PRKAG1: variants seen among roughly 807,000 people sequenced by gnomAD.
PRKAG1 encodes protein kinase AMP-activated non-catalytic subunit gamma 1, also known as 5'-AMP-activated protein kinase subunit gamma-1.
A neutral mutation model predicts 48.2 loss-of-function variants in PRKAG1; 27 were observed. The ratio of observed to expected loss-of-function variants is 0.56; its 90% CI spans 0.41 to 0.77. The LOEUF (loss-of-function observed/expected upper bound fraction) is 0.77, where lower values mean the gene tolerates loss of function less well. PRKAG1 is among the 30% of genes least tolerant of loss of function. The pLI is 0.00. For missense variants in PRKAG1, 287 were observed against 398.3 expected (o/e 0.72, Z 2.38); for synonymous variants, 130 against 147.7 (o/e 0.88, Z 0.87).
chr12:49,015,740 G>A (rs1565741695), intron 1 of PRKAG1, among the ~76,000 whole-genome samples: 2 of 151,230 alleles, frequency 1.3e-5, no homozygotes, highest in African/African-American at 4.9e-5. Context: ...GCCCAGCTAA[G>A]TTTTTTTTTG....
At chr12:49,004,398 G>GT in intron 8 of PRKAG1, 109 bp downstream of exon 8, 1 of 1,429,786 alleles carries the variant, frequency 7.0e-7, no homozygotes, top group South Asian at 1.3e-5. Context: ...GAGCTCAGGA[G>GT]TTTGACACTA....
chr12:49,002,419 C>T lies in PRKAG1; in HGVS notation c.*480G>A, dbSNP rs201069675. 1.8e-5 allele frequency: 4 copies of T among 223,624 alleles called. No individual in the cohort carries two copies. The highest frequency in any genetic ancestry group is 3.6e-5 in the Non-Finnish European group (4 of 110,278). The allele number at this position is 223,624 out of a possible 1,614,324, so 13.9% of individuals were successfully genotyped here. On this transcript the variant is annotated 3_prime_UTR_variant, in exon 12 of 12. Transcript: ENST00000548065. The stretch of plus-strand genomic sequence containing the variant: ...CCCAAAGCCCCTCCTCCCCACAATC[C>T]TCCCCACTCACATTATGGGAAGAAA...
intron 2 of PRKAG1, among the ~76,000 whole-genome samples, chr12:49,010,300 G>A (rs1011472296): frequency 2.6e-5 from 4 of 152,194 alleles, no homozygotes; most frequent in Middle Eastern, 3.2e-3. Flanking sequence ...GAGCCTTGCT[G>A]ACAGTGAGTC....
chr12:49,002,572 G>A lies in PRKAG1; in HGVS notation c.*327C>T, dbSNP rs1184310071. The A allele has an allele frequency of 9.5e-6, 4 of 421,804 alleles. No individual in the cohort carries two copies. Among genetic ancestry groups the A allele is most frequent in the Non-Finnish European group, 1.8e-5 (4 of 224,278 alleles). 26.1% of individuals were successfully genotyped at this position (421,804 alleles called of 1,614,324 possible). On this transcript the variant is annotated 3_prime_UTR_variant, in exon 12 of 12. Transcript: ENST00000548065. ...GGCCAAGATGGAGGCAGAGGCAAGTGAGGTCTGGGGATCTCTTAGAGATCA... is the reference window on the plus strand; with the variant it reads ...GGCCAAGATGGAGGCAGAGGCAAGTAAGGTCTGGGGATCTCTTAGAGATCA...
At chr12:49,015,950 T>C (rs1259816811) in intron 1 of PRKAG1, among the ~76,000 whole-genome samples, 1 of 53,812 alleles carries the variant, frequency 1.9e-5, no homozygotes, top group Admixed American at 1.5e-4. Context: ...CTTTCTACCT[T>C]TTTTTTTTTT....
chr12:49,006,312 A>T (rs1941532967), intron 2 of PRKAG1, among the ~76,000 whole-genome samples: 1 of 152,022 alleles, frequency 6.6e-6, no homozygotes, highest in Non-Finnish European at 1.5e-5. Context: ...GTTGAGGCAG[A>T]GGATCACTTG....
At position 49,006,718 on chromosome 12, in the gene PRKAG1, C is replaced by A. The variant is rs1941550059; in HGVS notation, c.59-866G>T. Among the ~76,000 whole-genome samples the A allele has an allele frequency of 2.0e-5, 3 of 152,108 alleles. No homozygotes were observed. In the South Asian group the frequency reaches 6.2e-4, roughly 31 times the overall value. On this transcript the variant is annotated intron_variant, in intron 2 of 11. Transcript: ENST00000548065. Reference sequence around the variant, plus strand: ...GGCGTGGTGGCTCATGCCTGTAATCCCAGAACTTTGGGAGGCCAAGGTGGG... The same window carrying A: ...GGCGTGGTGGCTCATGCCTGTAATCACAGAACTTTGGGAGGCCAAGGTGGG...
rs201265993 is a variant in PRKAG1 at position 49,003,731 on chromosome 12, C to G, written c.703+26G>C. 6.8e-6 allele frequency: 11 copies of G among 1,607,698 alleles called. No individual in the cohort carries two copies. The Admixed American group carries it at 1.8e-4, about 27-fold the overall frequency. On this transcript the variant is annotated intron_variant, in intron 9 of 11. Transcript: ENST00000548065. ...ACCCTGACTTGCCTGGATCTTCCCT[C>G]CCTCTCCTTCTGCCCAATCTCTCAC...
chr12:49,004,763 TAAAGA>T, intron 7 of PRKAG1, 130 bp from the exon 8 acceptor site: 1 of 1,430,374 alleles, frequency 7.0e-7, no homozygotes, highest in South Asian at 1.2e-5. Flanking sequence ...AGGCCAGACT[TAAAGA>T]GAAAGAGAGA....
intron 2 of PRKAG1, among the ~76,000 whole-genome samples, chr12:49,007,331 T>C (rs1941583338): frequency 1.3e-5 from 2 of 150,902 alleles, no homozygotes; most frequent in Admixed American, 1.3e-4. Flanking sequence ...TTACAACAAA[T>C]GTGTAAGTAA....
intron 8 of PRKAG1, 89 bp from the exon 9 acceptor site, chr12:49,004,011 TG>T (rs1398387067): frequency 6.7e-7 from 1 of 1,493,076 alleles, no homozygotes; most frequent in East Asian, 2.3e-5. Context: ...AAATAAGGGC[TG>T]GGTGCGCCGG....
chr12:49,015,811 C>T (rs916151493), intron 1 of PRKAG1, among the ~76,000 whole-genome samples: 1 of 151,994 alleles, frequency 6.6e-6, no homozygotes, highest in Non-Finnish European at 1.5e-5. Flanking sequence ...CTCCTGACCT[C>T]GTGATCCACC....
chr12:49,017,304 G>T (rs535374844), intron 1 of PRKAG1: 4 of 434,400 alleles, frequency 9.2e-6, no homozygotes, highest in South Asian at 1.7e-5. Flanking sequence ...TGGATCAAGC[G>T]ATCCTCCCAC....
intron 1 of PRKAG1, 32 bp downstream of exon 1, chr12:49,018,700 A>G (rs745965543): frequency 6.2e-7 from 1 of 1,613,390 alleles, no homozygotes; most frequent in East Asian, 2.2e-5. Context: ...TAGGCTCCAC[A>G]GCGCCCCCGA....
In PRKAG1 at chr12:49,018,760, G is replaced by A. The variant is rs760122095; in HGVS notation, c.-20C>T. ...CTCCATTGCAAGAGGCGCCCGGCTT[G>A]GTTTCCTCGCTTTAGGAAACTCTCT... On this transcript the variant is annotated 5_prime_UTR_variant, in exon 1 of 12. Coordinates refer to ENST00000548065, the MANE Select transcript of PRKAG1 (RefSeq NM_002733.5). 3 of 1,612,402 alleles carry A rather than the reference G, an allele frequency of 1.9e-6. No individual in the cohort carries two copies. Among genetic ancestry groups the A allele is most frequent in the Admixed American group, 1.7e-5 (1 of 60,004 alleles).
rs1456479410 is a variant in PRKAG1 at position 49,013,115 on chromosome 12, A to G, written c.10-5T>C. On this transcript the variant is annotated splice_region_variant and splice_polypyrimidine_tract_variant and intron_variant, in intron 1 of 11. Coordinates refer to ENST00000548065, the MANE Select transcript of PRKAG1 (RefSeq NM_002733.5). ...GGAGCTATCTGAAGAAATGACCTGG[A>G]GAGATAAGAAAACAGATTCAGCTTA... is the stretch of plus-strand genomic sequence containing the variant. 1.2e-6 allele frequency: 2 copies of G among 1,612,836 alleles called. No individual in the cohort carries two copies. Among genetic ancestry groups the G allele is most frequent in the Admixed American group, 1.7e-5 (1 of 60,014 alleles).
intron 2 of PRKAG1, among the ~76,000 whole-genome samples, chr12:49,006,973 A>T (rs902154315): frequency 6.7e-6 from 1 of 150,122 alleles, no homozygotes; most frequent in Non-Finnish European, 1.5e-5. Context: ...CCGTGTCAAA[A>T]AAATAAATAA....
At chr12:49,003,693 T>A (rs1941396005) in intron 9 of PRKAG1, 64 bp downstream of exon 9, 2 of 1,606,926 alleles carry the variant, frequency 1.2e-6, no homozygotes, top group African/African-American at 1.3e-5. Flanking sequence ...GGAAAGCAGA[T>A]CTTCCCAGAG....
chr12:49,005,881 C>T lies in PRKAG1; in HGVS notation c.59-29G>A, dbSNP rs201797468. The T allele has an allele frequency of 1.1e-5, 17 of 1,482,866 alleles. No individual in the cohort carries two copies. The highest frequency in any genetic ancestry group is 1.8e-4 in the Middle Eastern group (1 of 5,582). 91.9% of individuals were successfully genotyped at this position (1,482,866 alleles called of 1,614,324 possible). On this transcript the variant is annotated intron_variant, in intron 2 of 11. Transcript: ENST00000548065. The surrounding 1 kb of genome is among the most constrained non-coding windows in gnomAD (Gnocchi z 4.1). ...CATAGGGTGGGATAGTTAGTAGCTT[C>T]CTTCCACATAAAAACTCCCAATCAA...
Sources: gnomAD v4.1 joint callset for allele counts (sites outside exome capture counted in the v4.1 genomes callset) on GRCh38, gnomAD v4.1.1 for gene constraint, Gnocchi (gnomAD v3.1) non-coding constraint, MANE v1.5 for transcripts, NCBI Gene and HGNC (gene_info 2026-07-23, HGNC 2026-07-21) for gene names.